DLGAP2: variants seen among roughly 807,000 people sequenced by gnomAD.
DLGAP2 encodes the protein DLG associated protein 2.
Under a neutral mutation model 100.3 loss-of-function variants are expected in DLGAP2, and 26 were observed. The ratio of observed to expected loss-of-function variants is 0.26; its 90% CI spans 0.19 to 0.36. The LOEUF (loss-of-function observed/expected upper bound fraction) is 0.36. Among genes scored for constraint, DLGAP2 ranks in the 10% least tolerant of loss-of-function variants. The pLI, the probability that DLGAP2 is intolerant of heterozygous loss-of-function variation, is 1.00. For synonymous variants in DLGAP2, 886 were observed against 630.1 expected (o/e 1.41, Z -6.08); for missense variants, 1,858 against 1,453.2 (o/e 1.28, Z -4.53).
chr8:1,658,382 A>G (rs1320772142), intron 8 of DLGAP2, among the ~76,000 whole-genome samples: 2 of 152,160 alleles, frequency 1.3e-5, no homozygotes, highest in Non-Finnish European at 2.9e-5. Context: ...GAAACGGTTT[A>G]GGGGCTACTT....
At chr8:1,518,692 A>G (rs571373195) in intron 4 of DLGAP2, among the ~76,000 whole-genome samples, 1 of 152,206 alleles carries the variant, frequency 6.6e-6, no homozygotes, top group Non-Finnish European at 1.5e-5. Flanking sequence ...TGAGTAAATT[A>G]TGGAGTCTTT....
In DLGAP2 at chr8:1,055,242, C is replaced by T. The variant is rs191997926; in HGVS notation, c.73+147276C>T. ...CATAAAGCGCTTTTGCTGGTGGTTT[C>T]GGCCTGATGAGCTCTATTTTCTTGA... On this transcript the variant is annotated intron_variant, in intron 2 of 14. Coordinates refer to ENST00000637795, the MANE Select transcript of DLGAP2 (RefSeq NM_001346810.2). Among the ~76,000 whole-genome samples, 81 of 152,256 alleles carry T rather than the reference C, an allele frequency of 5.3e-4. 1 individual carries two copies. Among genetic ancestry groups the T allele is most frequent in the Admixed American group, 9.2e-4 (14 of 15,296 alleles).
rs78173128 is a variant in DLGAP2 at position 1,469,528 on chromosome 8, C to T, written c.107-31838C>T. ...GCAGCCTGGAGAGAGACGTCTGCTG[C>T]TGAGGACCTTGCCTGCTCCTTCGCT... is the stretch of plus-strand genomic sequence containing the variant. On this transcript the variant is annotated intron_variant, in intron 3 of 14. Coordinates refer to ENST00000637795, the MANE Select transcript of DLGAP2 (RefSeq NM_001346810.2). Among the ~76,000 whole-genome samples, 953 of 152,258 alleles carry T rather than the reference C, an allele frequency of 6.3e-3. 12 individuals carry two copies. The highest frequency in any genetic ancestry group is 0.022 in the African/African-American group (919 of 41,544).
intron 3 of DLGAP2, among the ~76,000 whole-genome samples, chr8:1,390,075 C>T (rs1047951014): frequency 6.6e-6 from 1 of 152,118 alleles, no homozygotes; most frequent in African/African-American, 2.4e-5. Flanking sequence ...GACATTTCAT[C>T]CGTTGATGGA....
intron 7 of DLGAP2, among the ~76,000 whole-genome samples, chr8:1,627,317 C>T (rs1446826538): frequency 1.3e-5 from 2 of 152,152 alleles, no homozygotes; most frequent in Non-Finnish European, 2.9e-5. Context: ...CTCACAGAGT[C>T]CTGCCGGTCG....
At chr8:1,174,714 C>A (rs1029790722) in intron 2 of DLGAP2, among the ~76,000 whole-genome samples, 1 of 148,298 alleles carries the variant, frequency 6.7e-6, no homozygotes, top group Non-Finnish European at 1.5e-5. Context: ...CTATCACCAT[C>A]ACCACCATCA....
chr8:853,669 G>A (rs1797223171), intron 1 of DLGAP2, among the ~76,000 whole-genome samples: 1 of 152,246 alleles, frequency 6.6e-6, no homozygotes. Context: ...TCTCAGGCCT[G>A]CAGCCACACC....
At chr8:1,027,229 A>G (rs1397976818) in intron 2 of DLGAP2, among the ~76,000 whole-genome samples, 1 of 152,248 alleles carries the variant, frequency 6.6e-6, no homozygotes, top group African/African-American at 2.4e-5. Flanking sequence ...AAGTTAGCAT[A>G]TTTGTGAATT....
chr8:974,153 C>G (rs752823681), intron 2 of DLGAP2, among the ~76,000 whole-genome samples: 2 of 152,102 alleles, frequency 1.3e-5, no homozygotes, highest in Admixed American at 6.5e-5. Context: ...AGACACCAAA[C>G]CATATCCAGG....
At chr8:1,033,668 C>T (rs536014782) in intron 2 of DLGAP2, among the ~76,000 whole-genome samples, 214 of 152,206 alleles carry the variant, frequency 1.4e-3, no homozygotes, top group South Asian at 7.0e-3. Context: ...CCGTGTTACC[C>T]CAAGTTAGGG....
rs114232582 is a variant in DLGAP2, at chr8:1,357,253, G to A, written c.106+98370G>A. ...CAGCTCTCAGACTGCAGAGTGTGCC[G>A]GTCCTCGGAGAAGGGGTGTCCTTCA... On this transcript the variant is annotated intron_variant, in intron 3 of 14. Coordinates refer to ENST00000637795, the MANE Select transcript of DLGAP2 (RefSeq NM_001346810.2). Among the ~76,000 whole-genome samples, 583 of 152,102 alleles carry A rather than the reference G, an allele frequency of 3.8e-3. 5 individuals are homozygous for A. Among genetic ancestry groups the A allele is most frequent in the African/African-American group, 0.013 (553 of 41,514 alleles).
intron 2 of DLGAP2, among the ~76,000 whole-genome samples, chr8:1,210,589 A>C (rs1045394427): frequency 2.0e-5 from 3 of 152,154 alleles, no homozygotes; most frequent in Non-Finnish European, 4.4e-5. Flanking sequence ...TTTCTCTGGC[A>C]GGTGGGGTAT....
In DLGAP2 at chr8:1,174,649, T is replaced by G. The variant is rs543584702; in HGVS notation, c.74-84202T>G. 2.0e-5 allele frequency among the ~76,000 whole-genome samples: 3 copies of G among 150,306 alleles called. No individual in the cohort carries two copies. In the East Asian group the frequency reaches 6.1e-4, roughly 30 times the overall value. On this transcript the variant is annotated intron_variant, in intron 2 of 14. Coordinates refer to ENST00000637795, the MANE Select transcript of DLGAP2 (RefSeq NM_001346810.2). The stretch of plus-strand genomic sequence containing the variant: ...TACTGCCACCATCATCATCGTCGTC[T>G]TTACCATCATTGTCATCATCACCAT...
chr8:932,136 G>C (rs1798973109), intron 2 of DLGAP2, among the ~76,000 whole-genome samples: 1 of 152,212 alleles, frequency 6.6e-6, no homozygotes, highest in Non-Finnish European at 1.5e-5. Flanking sequence ...AGTGTCTGAT[G>C]TTTTTGTCGA....
In DLGAP2 at chr8:1,418,740, C is replaced by T. The variant is rs139862394; in HGVS notation, c.107-82626C>T. On this transcript the variant is annotated intron_variant, in intron 3 of 14. Transcript: ENST00000637795. ...CACCGTTTCTCCCACTACCAGGACA[C>T]CAACTGGGCGTCCTCTAATTCATTG... is the stretch of plus-strand genomic sequence containing the variant. Among the ~76,000 whole-genome samples the T allele has an allele frequency of 5.7e-3, 863 of 152,308 alleles. 8 individuals carry two copies. Among genetic ancestry groups the T allele is most frequent in the Middle Eastern group, 0.01 (3 of 294 alleles).
intron 1 of DLGAP2, among the ~76,000 whole-genome samples, chr8:815,259 C>CCTGTGT (rs1356240554): frequency 1.3e-5 from 2 of 152,156 alleles, no homozygotes; most frequent in Non-Finnish European, 2.9e-5. Context: ...AGGGTAGTGC[C>CCTGTGT]CTGTGTCTGT....
intron 2 of DLGAP2, among the ~76,000 whole-genome samples, chr8:1,149,212 G>C (rs937424010): frequency 4.6e-5 from 7 of 151,956 alleles, no homozygotes; most frequent in African/African-American, 7.2e-5. Flanking sequence ...GTGGCGCAAT[G>C]TCGGCTCACT....
rs1563208561 is a variant in DLGAP2, at chr8:1,539,039, C to CAAAAATA, written c.173-9587_173-9586insAAAAATA. On this transcript the variant is annotated intron_variant, in intron 4 of 14. Coordinates refer to ENST00000637795, the MANE Select transcript of DLGAP2 (RefSeq NM_001346810.2). Reference sequence around the variant, plus strand: ...TAGCTGGGATTACAGGTGCACACCACCACGCCTGACTAATTTTTGTATTTT... The same window carrying CAAAAATA: ...TAGCTGGGATTACAGGTGCACACCACAAAAATACACGCCTGACTAATTTTTGTATTTT... Among the ~76,000 whole-genome samples the CAAAAATA allele has an allele frequency of 1.6e-4, 24 of 152,224 alleles. 1 individual carries two copies. Among genetic ancestry groups the CAAAAATA allele is most frequent in the Admixed American group, 1.3e-3 (20 of 15,292 alleles).
chr8:1,239,395 G>T (rs1430091806), intron 2 of DLGAP2, among the ~76,000 whole-genome samples: 3 of 19,988 alleles, frequency 1.5e-4, no homozygotes, highest in South Asian at 1.6e-3. Context: ...ACGTGGTGCC[G>T]TGTCTAGTTC....
Sources: gnomAD v4.1 joint callset for allele counts (sites outside exome capture counted in the v4.1 genomes callset) on GRCh38, gnomAD v4.1.1 for gene constraint, MANE v1.5 for transcripts, NCBI Gene and HGNC (gene_info 2026-07-23, HGNC 2026-07-21) for gene names.